The following CELF2 variants were observed in gnomAD, a reference collection of about 807,000 sequenced individuals.
The protein encoded by CELF2 is CUGBP Elav-like family member 2, also known as CUG triplet repeat RNA-binding protein 2.
A neutral mutation model predicts 62.6 loss-of-function variants in CELF2; 8 were observed. The ratio of observed to expected loss-of-function variants is 0.13; its 90% CI spans 0.07 to 0.23. The LOEUF (loss-of-function observed/expected upper bound fraction) is 0.23, where lower values mean the gene tolerates loss of function less well. Ranked by LOEUF, CELF2 falls within the 10% of genes least tolerant of loss-of-function variation. The probability of loss-of-function intolerance (pLI) is 1.00; values close to 1 mark genes in which losing one functional copy is unlikely to be tolerated. For missense variants in CELF2, 333 were observed against 671.0 expected, an observed-to-expected ratio of 0.50 and a Z score of 5.56; for synonymous variants, 258 against 250.0, an observed-to-expected ratio of 1.03 and a Z score of -0.30.
chr10:10,632,137 G>A, the CELF2 span, among the ~76,000 whole-genome samples: 1 of 152,122 alleles, frequency 6.6e-6, no homozygotes, highest in Non-Finnish European at 1.5e-5. Flanking sequence ...AAATGCTTTA[G>A]GCTATAGTCT....
At chr10:10,991,842 A>T (rs2053474429) in intron 2 of CELF2, among the ~76,000 whole-genome samples, 1 of 152,120 alleles carries the variant, frequency 6.6e-6, no homozygotes, top group East Asian at 1.9e-4. Flanking sequence ...TTATTACTTG[A>T]TTCTAGACTT....
the CELF2 span, among the ~76,000 whole-genome samples, chr10:10,535,546 C>T: frequency 6.6e-6 from 1 of 152,036 alleles, no homozygotes; most frequent in Non-Finnish European, 1.5e-5. Flanking sequence ...GGTGAAACCC[C>T]ATCTCTACTA....
chr10:11,253,275 A>G (rs1288566583), intron 4 of CELF2, among the ~76,000 whole-genome samples: 1 of 152,198 alleles, frequency 6.6e-6, no homozygotes, highest in Non-Finnish European at 1.5e-5. Flanking sequence ...TTTAACGCCT[A>G]GAACCCAGAA....
chr10:10,783,309 CTT>C, the CELF2 span, among the ~76,000 whole-genome samples: 7 of 152,200 alleles, frequency 4.6e-5, no homozygotes, highest in East Asian at 1.4e-3. Context: ...AAAAGGGAGA[CTT>C]TGAACACAGA....
At chr10:10,805,972 G>T (rs9424096) in intron 1 of CELF2, among the ~76,000 whole-genome samples, 90,122 of 151,884 alleles carry the variant, frequency 0.59, 26,926 homozygotes, top group African/African-American at 0.67. Context: ...GAAAAGTAAT[G>T]GTTGGAGCTG....
intron 1 of CELF2, among the ~76,000 whole-genome samples, chr10:11,105,862 C>A (rs1051767862): frequency 3.3e-5 from 5 of 152,156 alleles, no homozygotes; most frequent in Admixed American, 3.3e-4. Context: ...AATACGATAC[C>A]CCAGTCACAC....
chr10:10,588,714 G>A, the CELF2 span, among the ~76,000 whole-genome samples: 3 of 152,096 alleles, frequency 2.0e-5, no homozygotes, highest in Non-Finnish European at 4.4e-5. Context: ...TAGGTCAAGG[G>A]GTAAAAAGGC....
the CELF2 span, among the ~76,000 whole-genome samples, chr10:10,680,366 T>C: frequency 3.3e-5 from 5 of 152,108 alleles, no homozygotes; most frequent in Non-Finnish European, 5.9e-5. Context: ...TGGTTTATTA[T>C]AGTGAAAGGA....
rs1446576879 is a variant in CELF2 at position 11,270,489 on chromosome 10, G to A, written c.619-177G>A. 3.3e-5 allele frequency among the ~76,000 whole-genome samples: 5 copies of A among 152,210 alleles called. No individual in the cohort carries two copies. Among genetic ancestry groups the A allele is most frequent in the Non-Finnish European group, 5.9e-5 (4 of 68,034 alleles). On this transcript the variant is annotated intron_variant, in intron 6 of 12. Transcript: ENST00000633077. This position sits in a 1 kb window ranked among gnomAD's most constrained non-coding sequence, Gnocchi z 5.8. Reference sequence around the variant, plus strand: ...CCAAAGAAACCACTGGCAGTGTCTGGAATTTTCTGTTGATGGTACTATTCA... The same window carrying A: ...CCAAAGAAACCACTGGCAGTGTCTGAAATTTTCTGTTGATGGTACTATTCA...
intron 1 of CELF2, among the ~76,000 whole-genome samples, chr10:11,025,778 C>T (rs1215320877): frequency 6.6e-6 from 1 of 152,204 alleles, no homozygotes; most frequent in Non-Finnish European, 1.5e-5. Context: ...AGAAAAGTTT[C>T]ACATTGTGAC....
chr10:11,103,989 C>T (rs1478500412), intron 1 of CELF2, among the ~76,000 whole-genome samples: 1 of 138,664 alleles, frequency 7.2e-6, no homozygotes, highest in Admixed American at 7.3e-5. Context: ...ATGGTCAGTT[C>T]TGTTTTTATT....
chr10:10,751,729 G>A, the CELF2 span, among the ~76,000 whole-genome samples: 15 of 152,186 alleles, frequency 9.9e-5, no homozygotes, highest in Admixed American at 4.6e-4. Flanking sequence ...CACAAATCTC[G>A]TACTGCTTTG....
rs1250421470 is a variant in CELF2 at position 11,197,058 on chromosome 10, A to AAAG, written c.272-20365_272-20364insGAA. Among the ~76,000 whole-genome samples the AAAG allele has an allele frequency of 9.4e-3, 676 of 71,826 alleles. 48 individuals carry two copies. Among genetic ancestry groups the AAAG allele is most frequent in the South Asian group, 0.023 (33 of 1,456 alleles). The allele number at this position is 71,826 out of a possible 152,430, so 47.1% of individuals were successfully genotyped here. Reference sequence around the variant, plus strand: ...GAAAGAAAGAAAGAAAGAAAGAAAGAAAAGAAAGAAAGGAAAGAAAGAAAG... The same window carrying AAAG: ...GAAAGAAAGAAAGAAAGAAAGAAAGAAAGAAAGAAAGAAAGGAAAGAAAGAAAG... On this transcript the variant is annotated intron_variant, in intron 2 of 12. Transcript: ENST00000633077.
chr10:11,262,079 A>G (rs979178411), intron 5 of CELF2, among the ~76,000 whole-genome samples: 1 of 152,200 alleles, frequency 6.6e-6, no homozygotes, highest in African/African-American at 2.4e-5. Context: ...CTTCACTGCC[A>G]TTTAAGGTAA....
intron 1 of CELF2, among the ~76,000 whole-genome samples, chr10:11,161,583 G>A (rs578142809): frequency 4.6e-5 from 7 of 152,344 alleles, no homozygotes; most frequent in East Asian, 1.9e-4. Context: ...TGATTCCAGC[G>A]GGAGCTGTTG....
At chr10:10,484,602 C>G in the CELF2 span, among the ~76,000 whole-genome samples, 1 of 151,686 alleles carries the variant, frequency 6.6e-6, no homozygotes, top group African/African-American at 2.4e-5. Context: ...CAGGCATGAG[C>G]CACCACACCC....
chr10:11,023,394 A>G (rs1398871154), intron 1 of CELF2, among the ~76,000 whole-genome samples: 3 of 152,262 alleles, frequency 2.0e-5, no homozygotes, highest in Non-Finnish European at 4.4e-5. Flanking sequence ...GGAGCTGCAC[A>G]TTCCTGGGAA....
chr10:11,053,830 G>A lies in CELF2; in HGVS notation c.74+35667G>A, dbSNP rs567624931. Among the ~76,000 whole-genome samples, 5 of 151,876 alleles carry A rather than the reference G, an allele frequency of 3.3e-5. No individual in the cohort carries two copies. In the South Asian group the frequency reaches 6.2e-4, roughly 19 times the overall value. Reference sequence around the variant, plus strand: ...GGGGTTTCACCATGTTAGCCAGGACGGTCTCAATCTCCTGACCTCGTGATC... The same window carrying A: ...GGGGTTTCACCATGTTAGCCAGGACAGTCTCAATCTCCTGACCTCGTGATC... On this transcript the variant is annotated intron_variant, in intron 1 of 12. Transcript: ENST00000633077.
intron 2 of CELF2, among the ~76,000 whole-genome samples, chr10:11,184,947 T>C (rs1018662423): frequency 6.6e-6 from 1 of 152,222 alleles, no homozygotes; most frequent in Non-Finnish European, 1.5e-5. Context: ...GACATTATTA[T>C]CATGTTCTTG....
Sources: allele counts gnomAD v4.1 joint callset (sites outside exome capture counted in the v4.1 genomes callset), GRCh38; gene constraint gnomAD v4.1.1; non-coding constraint Gnocchi (gnomAD v3.1); transcripts MANE v1.5; gene names NCBI Gene and HGNC (gene_info 2026-07-23, HGNC 2026-07-21).